The following RASGRF2 variants were observed in gnomAD, a reference collection of about 807,000 sequenced individuals.
The protein encoded by RASGRF2 is ras-specific guanine nucleotide-releasing factor 2.
RASGRF2 carries 76 observed loss-of-function variants against 151.0 expected under a neutral mutation model. That is an observed-to-expected ratio of 0.50 (90% CI 0.42 to 0.61). The LOEUF (loss-of-function observed/expected upper bound fraction) is 0.61, where lower values mean the gene tolerates loss of function less well. Ranked by LOEUF, RASGRF2 falls within the 20% of genes least tolerant of loss-of-function variation. The probability of loss-of-function intolerance (pLI) is 0.00; values close to 1 mark genes in which losing one functional copy is unlikely to be tolerated. For missense variants in RASGRF2, 1,148 were observed against 1,564.6 expected (o/e 0.73, Z 4.49); for synonymous variants, 504 against 566.5 (o/e 0.89, Z 1.57).
At chr5:81,087,510 G>A (rs1382650454) in intron 9 of RASGRF2, 2 of 601,870 alleles carry the variant, frequency 3.3e-6, no homozygotes, top group Non-Finnish European at 6.0e-6. Context: ...AGAAGCTGTC[G>A]TGTTTGCGAA....
At chr5:81,000,613 G>GT (rs939470476) in intron 1 of RASGRF2, among the ~76,000 whole-genome samples, 2 of 151,466 alleles carry the variant, frequency 1.3e-5, no homozygotes, top group African/African-American at 4.9e-5. Flanking sequence ...AATAATTTAT[G>GT]TTTTTTTTTC....
At chr5:81,110,672 T>C (rs1360555516) in intron 13 of RASGRF2, among the ~76,000 whole-genome samples, 1 of 152,226 alleles carries the variant, frequency 6.6e-6, no homozygotes, top group Non-Finnish European at 1.5e-5. Context: ...TGATCTCAAC[T>C]TTCTTAGAAA....
At chr5:81,167,154 G>A (rs557244870) in intron 17 of RASGRF2, among the ~76,000 whole-genome samples, 2 of 152,134 alleles carry the variant, frequency 1.3e-5, no homozygotes, top group African/African-American at 2.4e-5. Flanking sequence ...GTAGAGTGAC[G>A]GATACAAGGC....
At chr5:80,985,616 T>G (rs756328694) in intron 1 of RASGRF2, among the ~76,000 whole-genome samples, 3 of 152,224 alleles carry the variant, frequency 2.0e-5, no homozygotes, top group Non-Finnish European at 4.4e-5. Context: ...AATAAAGTTC[T>G]TATTTAAGCA....
chr5:81,209,735 G>A (rs1293090820), intron 22 of RASGRF2, among the ~76,000 whole-genome samples: 1 of 152,158 alleles, frequency 6.6e-6, no homozygotes, highest in African/African-American at 2.4e-5. Context: ...CTCAAAGAGA[G>A]GTTCGATCCC....
At chr5:81,095,196 C>A (rs757207347) in intron 12 of RASGRF2, among the ~76,000 whole-genome samples, 1 of 152,046 alleles carries the variant, frequency 6.6e-6, no homozygotes, top group African/African-American at 2.4e-5. Flanking sequence ...TAAAATTTGC[C>A]TGAAATGTAG....
intron 17 of RASGRF2, among the ~76,000 whole-genome samples, chr5:81,138,507 C>G (rs1308715956): frequency 6.6e-6 from 1 of 152,136 alleles, no homozygotes; most frequent in South Asian, 2.1e-4. Context: ...TGTTACTCTT[C>G]CCCTCTCCCT....
intron 18 of RASGRF2, among the ~76,000 whole-genome samples, chr5:81,186,362 G>A (rs1008925694): frequency 2.0e-5 from 3 of 152,036 alleles, no homozygotes; most frequent in African/African-American, 7.2e-5. Flanking sequence ...GTTACCCCAT[G>A]CTCTATTAGT....
chr5:81,207,363 C>A lies in RASGRF2; in HGVS notation c.3071+14C>A. 6.2e-7 allele frequency: 1 copy of A among 1,605,080 alleles called. No individual in the cohort carries two copies. Among genetic ancestry groups the A allele is most frequent in the South Asian group, 1.1e-5 (1 of 90,838 alleles). ...CATTCCCTACGAGTGAGTGCCACCC[C>A]CCACAGCAGCAGGGCTCGGCTGCTC... On this transcript the variant is annotated intron_variant, in intron 21 of 26. Coordinates refer to ENST00000265080, the MANE Select transcript of RASGRF2 (RefSeq NM_006909.3).
chr5:81,014,968 G>A (rs1749582021), intron 1 of RASGRF2, among the ~76,000 whole-genome samples: 1 of 152,070 alleles, frequency 6.6e-6, no homozygotes, highest in African/African-American at 2.4e-5. Flanking sequence ...TGCCCAGGTT[G>A]GAGTGCAGTG....
chr5:81,097,125 C>A (rs1191498977), intron 12 of RASGRF2, among the ~76,000 whole-genome samples: 2 of 152,108 alleles, frequency 1.3e-5, no homozygotes, highest in African/African-American at 4.8e-5. Context: ...TCACACCCAG[C>A]TAATTTTGTA....
chr5:81,186,625 C>A (rs138198813), intron 18 of RASGRF2, among the ~76,000 whole-genome samples: 1 of 152,174 alleles, frequency 6.6e-6, no homozygotes, highest in Non-Finnish European at 1.5e-5. Flanking sequence ...ATATATGTTC[C>A]CTAACACTGT....
chr5:81,015,180 T>C (rs1385604886), intron 1 of RASGRF2, among the ~76,000 whole-genome samples: 9 of 152,188 alleles, frequency 5.9e-5, no homozygotes, highest in Admixed American at 5.9e-4. Context: ...TTTCCAACTC[T>C]AGATTTTATT....
rs1036713681 is a variant in RASGRF2 at position 81,123,733 on chromosome 5, A to G, written c.2562A>G (p.Ser854=). 6.2e-7 allele frequency: 1 copy of G among 1,613,752 alleles called. No homozygotes were observed. The highest frequency in any genetic ancestry group is 8.5e-7 in the Non-Finnish European group (1 of 1,179,902). Residue 854 remains serine, a synonymous_variant, in exon 16 of 27, where the codon TCA becomes TCG. Transcript: ENST00000265080. ...AACTTTCACCTTGCAGATCCCCCTC[A>G]ACTCCTCGGCACCTCCGCTATCGAC... ...TTELSPCRSP[S]TPRHLRYRQP...
intron 1 of RASGRF2, among the ~76,000 whole-genome samples, chr5:80,984,777 C>T (rs756256657): frequency 3.3e-5 from 5 of 151,950 alleles, no homozygotes; most frequent in Admixed American, 1.3e-4. Flanking sequence ...CCTCAATGCC[C>T]GACTATAAAG....
rs114780671 is a variant in RASGRF2 at position 81,148,232 on chromosome 5, C to G, written c.2686+21069C>G. ...GCAGTTATAAATCACAAACTGGACT[C>G]CTAGTCTAGTGCTTTAGGTTACTTT... On this transcript the variant is annotated intron_variant, in intron 17 of 26. Coordinates refer to ENST00000265080, the MANE Select transcript of RASGRF2 (RefSeq NM_006909.3). Among the ~76,000 whole-genome samples the G allele has an allele frequency of 5.4e-3, 815 of 152,266 alleles. 6 individuals are homozygous for G. Among genetic ancestry groups the G allele is most frequent in the African/African-American group, 0.019 (790 of 41,554 alleles).
At chr5:81,100,795 A>G (rs145894276) in intron 12 of RASGRF2, among the ~76,000 whole-genome samples, 2,875 of 152,332 alleles carry the variant, frequency 0.019, 45 homozygotes, top group African/African-American at 0.038. Context: ...CCCTAAAAAT[A>G]GTTTTTCGGA....
intron 2 of RASGRF2, among the ~76,000 whole-genome samples, chr5:81,043,423 G>C (rs1469853849): frequency 6.6e-6 from 1 of 152,148 alleles, no homozygotes; most frequent in Non-Finnish European, 1.5e-5. Context: ...TATGGCCCTA[G>C]CCTAGCCTAC....
chr5:81,053,719 T>A lies in RASGRF2; in HGVS notation c.395+10736T>A, dbSNP rs1235302692. 2.0e-5 allele frequency among the ~76,000 whole-genome samples: 3 copies of A among 152,220 alleles called. No homozygotes were observed. The East Asian group carries it at 5.8e-4, about 29-fold the overall frequency. On this transcript the variant is annotated intron_variant, in intron 2 of 26. Coordinates refer to ENST00000265080, the MANE Select transcript of RASGRF2 (RefSeq NM_006909.3). ...TCGCCACACTGTCTTCCACAATGGT[T>A]GAACTAGTTTACAGTCCCACCAACA...
Sources: gnomAD v4.1 joint callset for allele counts (sites outside exome capture counted in the v4.1 genomes callset) on GRCh38, gnomAD v4.1.1 for gene constraint, MANE v1.5 for transcripts, NCBI Gene and HGNC (gene_info 2026-07-23, HGNC 2026-07-21) for gene names.